Variants in DGKB observed in about 807,000 individuals in gnomAD.
DGKB encodes the protein diacylglycerol kinase beta, also known as 90 kDa diacylglycerol kinase.
A neutral mutation model predicts 114.3 loss-of-function variants in DGKB; 67 were observed. That is an observed-to-expected ratio of 0.59 (90% CI 0.48 to 0.72). The LOEUF is 0.72. Among genes scored for constraint, DGKB ranks in the 30% least tolerant of loss-of-function variants. The probability of loss-of-function intolerance (pLI) is 0.00; values close to 1 mark genes in which losing one functional copy is unlikely to be tolerated. For synonymous variants in DGKB, 398 were observed against 323.1 expected (o/e 1.23, Z -2.49); for missense variants, 907 against 975.2 (o/e 0.93, Z 0.93).
At chr7:14,659,911 A>G (rs898335354) in intron 13 of DGKB, among the ~76,000 whole-genome samples, 1 of 151,952 alleles carries the variant, frequency 6.6e-6, no homozygotes, top group African/African-American at 2.4e-5. Flanking sequence ...CGTCCCATCA[A>G]TACCTAATTT....
At chr7:14,322,147 G>A (rs948456151) in intron 23 of DGKB, among the ~76,000 whole-genome samples, 2 of 152,184 alleles carry the variant, frequency 1.3e-5, no homozygotes, top group African/African-American at 4.8e-5. Flanking sequence ...CTGGCCTGCT[G>A]CCTGTTTTTG....
intron 23 of DGKB, among the ~76,000 whole-genome samples, chr7:14,236,808 A>G (rs1792860149): frequency 6.6e-6 from 1 of 151,982 alleles, no homozygotes; most frequent in Non-Finnish European, 1.5e-5. Context: ...ACAAGAATTG[A>G]AAATAAATAG....
intron 23 of DGKB, among the ~76,000 whole-genome samples, chr7:14,281,216 C>T (rs1176198610): frequency 6.6e-6 from 1 of 151,772 alleles, no homozygotes; most frequent in African/African-American, 2.4e-5. Context: ...CAATCCTAGT[C>T]TCTGATAAAA....
intron 23 of DGKB, among the ~76,000 whole-genome samples, chr7:14,251,105 G>A (rs1478540769): frequency 6.6e-6 from 1 of 152,044 alleles, no homozygotes. Flanking sequence ...TCTTTTGACT[G>A]GAAACTTTAA....
chr7:14,785,758 G>A lies in DGKB; in HGVS notation c.71-28027C>T, dbSNP rs543651137. 1.8e-3 allele frequency among the ~76,000 whole-genome samples: 267 copies of A among 152,126 alleles called. 1 individual carries two copies. Among genetic ancestry groups the A allele is most frequent in the Non-Finnish European group, 2.9e-3 (196 of 67,998 alleles). ...ATACACAGCCATTGTACATTCAAAA[G>A]CCATGAGAGCCATTATTTCTGAAAC... On this transcript the variant is annotated intron_variant, in intron 2 of 25. Transcript: ENST00000402815.
At chr7:14,315,319 T>A (rs1795030838) in intron 23 of DGKB, among the ~76,000 whole-genome samples, 1 of 150,558 alleles carries the variant, frequency 6.6e-6, no homozygotes, top group African/African-American at 2.4e-5. Flanking sequence ...AATGCTCCAA[T>A]TAAAAGACAC....
At chr7:14,151,055 T>C (rs1190220696) in intron 25 of DGKB, among the ~76,000 whole-genome samples, 5 of 152,070 alleles carry the variant, frequency 3.3e-5, no homozygotes, top group African/African-American at 1.2e-4. Context: ...TTTTTGAACA[T>C]TGAAAATGAA....
At chr7:14,595,562 T>C (rs925964370) in intron 17 of DGKB, among the ~76,000 whole-genome samples, 4 of 151,022 alleles carry the variant, frequency 2.6e-5, no homozygotes, top group Admixed American at 1.3e-4. Flanking sequence ...ATATGCAAAA[T>C]AAATGTGTAC....
intron 20 of DGKB, among the ~76,000 whole-genome samples, chr7:14,500,927 G>A (rs987852749): frequency 6.6e-6 from 1 of 151,856 alleles, no homozygotes; most frequent in Non-Finnish European, 1.5e-5. Flanking sequence ...TAGGCAAAAT[G>A]TAGAAAAGTG....
At chr7:14,377,466 T>C (rs1818675897) in intron 21 of DGKB, among the ~76,000 whole-genome samples, 1 of 152,240 alleles carries the variant, frequency 6.6e-6, no homozygotes, top group South Asian at 2.1e-4. Context: ...TGCTTTATGA[T>C]TTAAAGTATG....
chr7:14,809,871 C>T (rs746774349), intron 2 of DGKB, among the ~76,000 whole-genome samples: 1 of 152,184 alleles, frequency 6.6e-6, no homozygotes, highest in Non-Finnish European at 1.5e-5. Flanking sequence ...ATTCAGCATC[C>T]CCTAGCAATT....
intron 2 of DGKB, among the ~76,000 whole-genome samples, chr7:14,758,884 AATAGATAGATAGATAG>A (rs76875239): frequency 0.04 from 5,770 of 145,146 alleles, 351 homozygotes; most frequent in African/African-American, 0.14. Flanking sequence ...TGTGTGAAAC[AATAGATAGATAGATAG>A]ATAGATAGAT....
intron 20 of DGKB, among the ~76,000 whole-genome samples, chr7:14,525,762 G>T (rs1371512115): frequency 6.6e-6 from 1 of 152,042 alleles, no homozygotes; most frequent in Non-Finnish European, 1.5e-5. Flanking sequence ...GAAAAATTTT[G>T]TTTTGGTCTT....
At chr7:14,831,177 G>T (rs1185622795) in intron 2 of DGKB, among the ~76,000 whole-genome samples, 1 of 151,878 alleles carries the variant, frequency 6.6e-6, no homozygotes, top group African/African-American at 2.4e-5. Flanking sequence ...AACGGTGAGA[G>T]ACCAAGACAA....
At chr7:14,953,091 A>G (rs1786299653) in intron 1 of DGKB, among the ~76,000 whole-genome samples, 1 of 152,100 alleles carries the variant, frequency 6.6e-6, no homozygotes, top group Non-Finnish European at 1.5e-5. Context: ...ATGTAAGTAT[A>G]AAAACTATAA....
intron 21 of DGKB, among the ~76,000 whole-genome samples, chr7:14,461,799 CA>C (rs1397762371): frequency 6.6e-6 from 1 of 151,890 alleles, no homozygotes; most frequent in Non-Finnish European, 1.5e-5. Context: ...AGAGACACAA[CA>C]AAAAAAGAAA....
At chr7:14,720,266 A>T (rs563972981) in intron 5 of DGKB, among the ~76,000 whole-genome samples, 3 of 152,122 alleles carry the variant, frequency 2.0e-5, no homozygotes, top group African/African-American at 7.2e-5. Context: ...AGTCTGAAAA[A>T]ACACGGCTTT....
intron 12 of DGKB, among the ~76,000 whole-genome samples, chr7:14,681,651 C>T (rs1820857654): frequency 6.6e-6 from 1 of 151,914 alleles, no homozygotes; most frequent in African/African-American, 2.4e-5. Flanking sequence ...AAACCTCAGC[C>T]CCATAAATAT....
chr7:14,685,360 G>T lies in DGKB; in HGVS notation c.714C>A (p.Asn238Lys), dbSNP rs376950493. 1 of 1,608,344 alleles carries T rather than the reference G, an allele frequency of 6.2e-7. No individual in the cohort carries two copies. The highest frequency in any genetic ancestry group is 1.1e-5 in the South Asian group (1 of 90,908). Reference sequence around the variant, plus strand: ...ACACGTGCTGTCCATCATCCTTCACGTTCTGCATGGGACGTAAGAGAAACA... The same window carrying T: ...ACACGTGCTGTCCATCATCCTTCACTTTCTGCATGGGACGTAAGAGAAACA... ...PLLVLLGLEN[N>K]VKDDGQHVWR... The change falls in exon 10 of 26, where the codon AAC (asparagine) becomes AAA (lysine). Residue 238 changes from asparagine to lysine, a missense_variant and splice_region_variant. This residue lies in a region of DGKB where 814 missense variants were observed against 856.6 expected (regional missense o/e 0.95). Coordinates refer to ENST00000402815, the MANE Select transcript of DGKB (RefSeq NM_001350709.2).
Sources: allele counts gnomAD v4.1 joint callset (sites outside exome capture counted in the v4.1 genomes callset), GRCh38; gene constraint gnomAD v4.1.1; regional missense constraint gnomAD v4.1.1; transcripts MANE v1.5; gene names NCBI Gene and HGNC (gene_info 2026-07-23, HGNC 2026-07-21).